PDE5A: variants seen among roughly 807,000 people sequenced by gnomAD.
The protein encoded by PDE5A is phosphodiesterase 5A.
Under a neutral mutation model 110.2 loss-of-function variants are expected in PDE5A, and 67 were observed. That is an observed-to-expected ratio of 0.61 (90% CI 0.50 to 0.75). The LOEUF is 0.75. Ranked by LOEUF, PDE5A falls within the 30% of genes least tolerant of loss-of-function variation. The pLI is 0.00. For missense variants in PDE5A, 862 were observed against 1,045.1 expected (o/e 0.82, Z 2.42); for synonymous variants, 328 against 351.2 (o/e 0.93, Z 0.74).
At chr4:119,604,393 T>G (rs1024424617) in intron 2 of PDE5A, among the ~76,000 whole-genome samples, 1 of 152,176 alleles carries the variant, frequency 6.6e-6, no homozygotes, top group Non-Finnish European at 1.5e-5. Context: ...CTAGAGAATA[T>G]TTATGATCCT....
Position 119,627,220 on chromosome 4 carries a change from T to C in PDE5A, c.152+1300A>G, listed in dbSNP as rs1183847197. The C allele has an allele frequency of 1.2e-6, 2 of 1,610,548 alleles. No individual in the cohort carries two copies. The highest frequency in any genetic ancestry group is 1.7e-6 in the Non-Finnish European group (2 of 1,178,186). On this transcript the variant is annotated intron_variant, in intron 1 of 20. Transcript: ENST00000354960. The surrounding 1 kb of genome is among the most constrained non-coding windows in gnomAD (Gnocchi z 4.6). The stretch of plus-strand genomic sequence containing the variant: ...TTTTCGAACTCCGCCGATCCTGGAC[T>C]CCAGGAGGCTCCGTAGGGGCAACAA...
chr4:119,520,475 C>T (rs2110469524), intron 13 of PDE5A, among the ~76,000 whole-genome samples: 1 of 152,148 alleles, frequency 6.6e-6, no homozygotes, highest in African/African-American at 2.4e-5. Flanking sequence ...TGAAACAGTA[C>T]TTACAAAATT....
intron 14 of PDE5A, among the ~76,000 whole-genome samples, chr4:119,518,018 T>A (rs1725978120): frequency 6.6e-6 from 1 of 152,174 alleles, no homozygotes; most frequent in South Asian, 2.1e-4. Flanking sequence ...ACTCTGATAC[T>A]CAGGCAAGAG....
chr4:119,502,800 C>G, intron 18 of PDE5A, 145 bp from the exon 19 acceptor site: 1 of 599,680 alleles, frequency 1.7e-6, no homozygotes, highest in Non-Finnish European at 2.9e-6. Flanking sequence ...GACAAGTAGT[C>G]CATGTCCAAA....
intron 7 of PDE5A, among the ~76,000 whole-genome samples, chr4:119,557,972 TATC>T (rs1403756619): frequency 6.6e-6 from 1 of 152,242 alleles, no homozygotes; most frequent in East Asian, 1.9e-4. Context: ...TCTATGTATT[TATC>T]ATTTTATGAC....
chr4:119,548,706 A>G (rs746891628), intron 9 of PDE5A: 9 of 152,174 alleles, frequency 5.9e-5, no homozygotes, highest in Non-Finnish European at 1.3e-4. Context: ...TGTAATCTTT[A>G]CATTGTTTTT....
intron 3 of PDE5A, 121 bp from the exon 4 acceptor site, chr4:119,567,265 A>ATAAAAG (rs1727975712): frequency 3.0e-6 from 2 of 670,896 alleles, no homozygotes; most frequent in Non-Finnish European, 5.3e-6. Context: ...AGTCTACAAA[A>ATAAAAG]CAAAAGCAAA....
intron 3 of PDE5A, among the ~76,000 whole-genome samples, chr4:119,594,478 T>C (rs1003928007): frequency 3.2e-5 from 2 of 62,900 alleles, no homozygotes; most frequent in African/African-American, 8.8e-5. Context: ...GCCTGCCAGA[T>C]GAAATTTGAG....
intron 1 of PDE5A, among the ~76,000 whole-genome samples, chr4:119,623,695 ATC>A (rs1435095561): frequency 2.6e-5 from 4 of 152,242 alleles, no homozygotes; most frequent in Non-Finnish European, 5.9e-5. Flanking sequence ...GCATAGCATA[ATC>A]AAAATACTAA....
chr4:119,565,941 CTATTAATTAT>C (rs1246660583), intron 4 of PDE5A, among the ~76,000 whole-genome samples: 2 of 145,674 alleles, frequency 1.4e-5, no homozygotes, highest in Non-Finnish European at 3.0e-5. Context: ...TATTGATTGA[CTATTAATTAT>C]TATTAATTAA....
chr4:119,536,005 G>A (rs1422126336), intron 11 of PDE5A, among the ~76,000 whole-genome samples: 2 of 152,094 alleles, frequency 1.3e-5, no homozygotes. Context: ...CAGACAACTA[G>A]AACTGAAATC....
At chr4:119,536,034 A>C (rs1038215057) in intron 11 of PDE5A, among the ~76,000 whole-genome samples, 1 of 152,156 alleles carries the variant, frequency 6.6e-6, no homozygotes, top group East Asian at 1.9e-4. Context: ...AATTTCAACC[A>C]ATTTAAGTGA....
intron 3 of PDE5A, among the ~76,000 whole-genome samples, chr4:119,584,364 T>C (rs1385239976): frequency 6.6e-6 from 1 of 152,208 alleles, no homozygotes; most frequent in Non-Finnish European, 1.5e-5. Flanking sequence ...TTAGGAAATA[T>C]GACAACTCTC....
At chr4:119,592,922 G>C (rs1729028898) in intron 3 of PDE5A, among the ~76,000 whole-genome samples, 1 of 152,126 alleles carries the variant, frequency 6.6e-6, no homozygotes, top group South Asian at 2.1e-4. Flanking sequence ...AAAGGAGAGA[G>C]CTTCGGGCTA....
intron 19 of PDE5A, 127 bp downstream of exon 19, chr4:119,502,454 A>C (rs1725382917): frequency 6.9e-6 from 4 of 578,516 alleles, no homozygotes; most frequent in Non-Finnish European, 1.2e-5. Context: ...CCAATGAGAA[A>C]AAAGTTTTAA....
chr4:119,615,513 T>C (rs1729906026), intron 1 of PDE5A, among the ~76,000 whole-genome samples: 1 of 150,756 alleles, frequency 6.6e-6, no homozygotes, highest in South Asian at 2.1e-4. Context: ...GGGCCCTAAC[T>C]GGGTTGGGAT....
At chr4:119,590,533 G>T (rs1728929408) in intron 3 of PDE5A, among the ~76,000 whole-genome samples, 1 of 152,094 alleles carries the variant, frequency 6.6e-6, no homozygotes, top group Admixed American at 6.5e-5. Context: ...CTCTAGAAGG[G>T]AGTAGGGAGA....
chr4:119,627,023 T>G lies in PDE5A; in HGVS notation c.152+1497A>C. The stretch of plus-strand genomic sequence containing the variant: ...AAAGAATAACAACAACAACAAAAGT[T>G]ATACAGTCAATTTTCAATGATACAT... On this transcript the variant is annotated intron_variant, in intron 1 of 20. Coordinates refer to ENST00000354960, the MANE Select transcript of PDE5A (RefSeq NM_001083.4). The surrounding 1 kb of genome is among the most constrained non-coding windows in gnomAD (Gnocchi z 4.6). 9.5e-7 allele frequency: 1 copy of G among 1,049,238 alleles called. No homozygotes were observed. Among genetic ancestry groups the G allele is most frequent in the Non-Finnish European group, 1.4e-6 (1 of 703,814 alleles). The allele number at this position is 1,049,238 out of a possible 1,614,324, so 65.0% of individuals were successfully genotyped here. A position where few individuals can be genotyped will look rare whatever the true frequency, so the allele number is the denominator to read the frequency against.
rs1052118351 is a variant in PDE5A at position 119,498,738 on chromosome 4, C to T, written c.2491G>A (p.Ala831Thr). Residue 831 changes from alanine to threonine, a missense_variant and splice_region_variant, in exon 21 of 21, where the codon GCC (alanine) becomes ACC (threonine). Physicochemically the swap from Ala to Thr is moderately conservative, Grantham distance 58. Transcript: ENST00000354960. ...IDAICLQLYE[A>T]LTHVSEDCFP... ...CAGTCCTCTGACACGTGGGTCAGGGCCTAAAGAGAAAAAAGAAAGCAAACA... is the reference window on the plus strand; with the variant it reads ...CAGTCCTCTGACACGTGGGTCAGGGTCTAAAGAGAAAAAAGAAAGCAAACA... 1.1e-5 allele frequency: 18 copies of T among 1,613,648 alleles called. No homozygotes were observed. The highest frequency in any genetic ancestry group is 1.4e-5 in the Non-Finnish European group (17 of 1,179,768).
Sources: allele counts gnomAD v4.1 joint callset (sites outside exome capture counted in the v4.1 genomes callset), GRCh38; gene constraint gnomAD v4.1.1; non-coding constraint Gnocchi (gnomAD v3.1); transcripts MANE v1.5; gene names NCBI Gene and HGNC (gene_info 2026-07-23, HGNC 2026-07-21).